GATAD2B: variants seen among roughly 807,000 people sequenced by gnomAD.
GATAD2B encodes GATA zinc finger domain containing 2B.
Under a neutral mutation model 64.3 loss-of-function variants are expected in GATAD2B, and 8 were observed. The observed-to-expected ratio is 0.12, with a 90% CI of 0.07 to 0.22. The LOEUF is 0.22. Among genes scored for constraint, GATAD2B ranks in the 10% least tolerant of loss-of-function variants. GATAD2B has a pLI of 1.00. For missense variants in GATAD2B, 453 were observed against 752.0 expected, an observed-to-expected ratio of 0.60 and a Z score of 4.65; for synonymous variants, 281 against 271.3, an observed-to-expected ratio of 1.04 and a Z score of -0.35.
chr1:153,810,058 G>A lies in GATAD2B; in HGVS notation c.*119C>T. 1.0e-6 allele frequency: 1 copy of A among 976,136 alleles called. No individual in the cohort carries two copies. The highest frequency in any genetic ancestry group is 1.5e-6 in the Non-Finnish European group (1 of 665,786). 60.5% of individuals were successfully genotyped at this position (976,136 alleles called of 1,614,324 possible). A position where few individuals can be genotyped will look rare whatever the true frequency, so the allele number is the denominator to read the frequency against. ...TCTATTTTTTGTCTTCTGTTTTTCT[G>A]TTTTGCTTTCCGTGTATGGTAGGCA... On this transcript the variant is annotated 3_prime_UTR_variant, in exon 11 of 11. Coordinates refer to ENST00000368655, the MANE Select transcript of GATAD2B (RefSeq NM_020699.4).
At chr1:153,861,660 G>A (rs1036534663) in intron 1 of GATAD2B, among the ~76,000 whole-genome samples, 1 of 148,958 alleles carries the variant, frequency 6.7e-6, no homozygotes, top group Non-Finnish European at 1.5e-5. Context: ...GTGCACGCCT[G>A]TAGTCCCAGC....
In GATAD2B at chr1:153,900,382, T is replaced by C. The variant is rs1473803336; in HGVS notation, c.-2+22351A>G. Reference sequence around the variant, plus strand: ...TTACAGTGAGCCGAGATCATGCCATTGCACTCCAGCCTGGGCAATAGAGAC... The same window carrying C: ...TTACAGTGAGCCGAGATCATGCCATCGCACTCCAGCCTGGGCAATAGAGAC... On this transcript the variant is annotated intron_variant, in intron 1 of 10. Coordinates refer to ENST00000368655, the MANE Select transcript of GATAD2B (RefSeq NM_020699.4). 5.3e-5 allele frequency among the ~76,000 whole-genome samples: 8 copies of C among 152,000 alleles called. No homozygotes were observed. The South Asian group carries it at 1.0e-3, about 20-fold the overall frequency.
At chr1:153,911,083 C>A (rs1267504806) in intron 1 of GATAD2B, among the ~76,000 whole-genome samples, 3 of 152,104 alleles carry the variant, frequency 2.0e-5, no homozygotes, top group African/African-American at 7.2e-5. Context: ...AGCATATTCT[C>A]TGGAACACAG....
chr1:153,888,366 G>A (rs906985506), intron 1 of GATAD2B, among the ~76,000 whole-genome samples: 2 of 152,152 alleles, frequency 1.3e-5, no homozygotes, highest in African/African-American at 4.8e-5. Flanking sequence ...ATCTCTAGTA[G>A]TGTCTACAAG....
At chr1:153,859,907 C>CTTTTTTTTTTTT (rs34557576) in intron 1 of GATAD2B, among the ~76,000 whole-genome samples, 8 of 60,876 alleles carry the variant, frequency 1.3e-4, no homozygotes, top group South Asian at 7.6e-4. Context: ...CTTTTCTTTT[C>CTTTTTTTTTTTT]TTTTTTTTTT....
intron 1 of GATAD2B, among the ~76,000 whole-genome samples, chr1:153,909,607 T>C (rs2101967348): frequency 6.6e-6 from 1 of 151,736 alleles, no homozygotes; most frequent in South Asian, 2.1e-4. Flanking sequence ...AAGACCATCC[T>C]GGCCAACATG....
intron 8 of GATAD2B, 41 bp downstream of exon 8, chr1:153,813,209 C>T: frequency 6.4e-7 from 1 of 1,554,986 alleles, no homozygotes; most frequent in Non-Finnish European, 8.8e-7. Flanking sequence ...TTGGAAAAAA[C>T]AAACTGGGAC....
At chr1:153,918,666 C>T (rs1027391355) in intron 1 of GATAD2B, among the ~76,000 whole-genome samples, 3 of 152,042 alleles carry the variant, frequency 2.0e-5, no homozygotes, top group African/African-American at 7.2e-5. Flanking sequence ...TAAATGGATA[C>T]TAAGGCCGGG....
At chr1:153,857,666 G>A (rs542929420) in intron 1 of GATAD2B, among the ~76,000 whole-genome samples, 1 of 152,066 alleles carries the variant, frequency 6.6e-6, no homozygotes, top group African/African-American at 2.4e-5. Flanking sequence ...AATGGTCCTG[G>A]AACATGAGTC....
chr1:153,805,287 C>T lies in GATAD2B; in HGVS notation c.*4890G>A, dbSNP rs1674078560. On this transcript the variant is annotated 3_prime_UTR_variant, in exon 11 of 11. Coordinates refer to ENST00000368655, the MANE Select transcript of GATAD2B (RefSeq NM_020699.4). ...CTGAGGAAAGGAGACAAAATGTGGG[C>T]TGTGTCTGCGCTCTCCTATTTTATC... is the stretch of plus-strand genomic sequence containing the variant. The T allele has an allele frequency of 6.6e-6, 1 of 152,178 alleles. No individual in the cohort carries two copies. The allele number at this position is 152,178 out of a possible 1,614,324, so 9.4% of individuals were successfully genotyped here.
chr1:153,825,263 C>G (rs2101888909), intron 2 of GATAD2B, among the ~76,000 whole-genome samples: 1 of 152,288 alleles, frequency 6.6e-6, no homozygotes, highest in East Asian at 1.9e-4. Flanking sequence ...GGTTCATGAT[C>G]TCATTCACCC....
intron 1 of GATAD2B, among the ~76,000 whole-genome samples, chr1:153,906,524 GA>G (rs1291091544): frequency 6.6e-6 from 1 of 151,842 alleles, no homozygotes; most frequent in African/African-American, 2.4e-5. Context: ...AAAAAAATGA[GA>G]AAAAACACAA....
intron 1 of GATAD2B, among the ~76,000 whole-genome samples, chr1:153,842,446 T>C (rs1675530120): frequency 6.6e-6 from 1 of 152,194 alleles, no homozygotes; most frequent in East Asian, 1.9e-4. Flanking sequence ...ACTGTGTAAC[T>C]TCACTCTCAA....
At chr1:153,817,909 C>G in intron 5 of GATAD2B, 131 bp downstream of exon 5, 1 of 753,676 alleles carries the variant, frequency 1.3e-6, no homozygotes. Context: ...CATAATGGGC[C>G]AACAGAACAA....
chr1:153,865,975 C>T (rs1676462574), intron 1 of GATAD2B, among the ~76,000 whole-genome samples: 1 of 152,084 alleles, frequency 6.6e-6, no homozygotes, highest in African/African-American at 2.4e-5. Flanking sequence ...GAGGCTGAGG[C>T]GGACGGATCA....
At chr1:153,836,555 A>G (rs1675274911) in intron 1 of GATAD2B, among the ~76,000 whole-genome samples, 1 of 129,810 alleles carries the variant, frequency 7.7e-6, no homozygotes, top group African/African-American at 2.6e-5. Context: ...CCAGCCTAAA[A>G]AAGTTAAAAA....
At chr1:153,886,408 A>C (rs1677185300) in intron 1 of GATAD2B, 1 of 152,222 alleles carries the variant, frequency 6.6e-6, no homozygotes. Context: ...GTATGGCAAA[A>C]GTATGATGTT....
At chr1:153,864,800 G>A (rs1233069858) in intron 1 of GATAD2B, among the ~76,000 whole-genome samples, 1 of 152,182 alleles carries the variant, frequency 6.6e-6, no homozygotes, top group Non-Finnish European at 1.5e-5. Context: ...CAGGCACAGT[G>A]GCTCATGCCT....
intron 1 of GATAD2B, chr1:153,889,632 G>C (rs750266709): frequency 1.6e-6 from 1 of 606,190 alleles, no homozygotes; most frequent in Non-Finnish European, 2.1e-6. Flanking sequence ...CAGCTGGCAA[G>C]AGGAAAGTTG....
Sources: allele counts gnomAD v4.1 joint callset (sites outside exome capture counted in the v4.1 genomes callset), GRCh38; gene constraint gnomAD v4.1.1; transcripts MANE v1.5; gene names NCBI Gene and HGNC (gene_info 2026-07-23, HGNC 2026-07-21).